Variants in ITIH5 observed in about 807,000 individuals in gnomAD.
The protein encoded by ITIH5 is inter-alpha-trypsin inhibitor heavy chain H5.
ITIH5 carries 65 observed loss-of-function variants against 77.5 expected under a neutral mutation model. The ratio of observed to expected loss-of-function variants is 0.84; its 90% CI spans 0.69 to 1.03. The LOEUF is 1.03. Among genes scored for constraint, ITIH5 ranks in the 50% least tolerant of loss-of-function variants. The probability of loss-of-function intolerance (pLI) is 0.00; values close to 1 mark genes in which losing one functional copy is unlikely to be tolerated. For synonymous variants in ITIH5, 525 were observed against 494.3 expected (o/e 1.06, Z -0.82); for missense variants, 1,208 against 1,213.1 (o/e 1.00, Z 0.06).
At chr10:7,653,029 A>G (rs901710760) in intron 2 of ITIH5, among the ~76,000 whole-genome samples, 1 of 152,224 alleles carries the variant, frequency 6.6e-6, no homozygotes, top group African/African-American at 2.4e-5. Flanking sequence ...ATAGGCAGGG[A>G]AATGCAAGTT....
intron 1 of ITIH5, among the ~76,000 whole-genome samples, chr10:7,661,778 G>A (rs368434005): frequency 1.3e-5 from 2 of 152,226 alleles, no homozygotes; most frequent in Middle Eastern, 3.4e-3. Flanking sequence ...ACAGCTCACT[G>A]CAGCCTTGAC....
intron 2 of ITIH5, among the ~76,000 whole-genome samples, chr10:7,644,532 TATATCACATATATATG>T (rs1389605253): frequency 2.2e-5 from 3 of 134,194 alleles, no homozygotes; most frequent in Non-Finnish European, 4.5e-5. Context: ...ATATATATGA[TATATCACATATATATG>T]ATATATCACA....
Position 7,637,335 on chromosome 10 carries a change from G to A in ITIH5, c.545C>T (p.Ser182Phe), listed in dbSNP as rs1833816721. ...HSISVRPQQL[S>F]GRLSVDVNIL... Reference sequence around the variant, plus strand: ...ATTCACGTCCACGCTCAGCCTCCCGGACAGCTGCTGGGGCCGCACGCTGAT... The same window carrying A: ...ATTCACGTCCACGCTCAGCCTCCCGAACAGCTGCTGGGGCCGCACGCTGAT... Residue 182 changes from serine to phenylalanine, a missense_variant, in exon 5 of 14, where the codon TCC becomes TTC. Transcript: ENST00000397146. 1 of 1,613,984 alleles carries A rather than the reference G, an allele frequency of 6.2e-7. No homozygotes were observed. The highest frequency in any genetic ancestry group is 1.3e-5 in the African/African-American group (1 of 74,932).
intron 10 of ITIH5, 99 bp from the exon 11 acceptor site, chr10:7,573,294 T>C: frequency 1.0e-6 from 1 of 953,870 alleles, no homozygotes; most frequent in Non-Finnish European, 1.7e-6. Flanking sequence ...ACACAGCTTT[T>C]AGGTACGTTT....
intron 7 of ITIH5, among the ~76,000 whole-genome samples, chr10:7,602,028 G>A (rs1026055090): frequency 3.9e-5 from 6 of 151,928 alleles, no homozygotes; most frequent in Admixed American, 1.3e-4. Flanking sequence ...AATTTTTTAC[G>A]TTTTTAGTAG....
intron 2 of ITIH5, among the ~76,000 whole-genome samples, chr10:7,648,898 G>A (rs1834047630): frequency 6.6e-6 from 1 of 152,142 alleles, no homozygotes. Context: ...ATGGGCCCAA[G>A]AGACAGGCTG....
In ITIH5 at chr10:7,624,462, G is replaced by A. The variant is rs984322342; in HGVS notation, c.653-7180C>T. 4.0e-5 allele frequency among the ~76,000 whole-genome samples: 6 copies of A among 151,450 alleles called. No homozygotes were observed. In the South Asian group the frequency reaches 1.3e-3, roughly 32 times the overall value. On this transcript the variant is annotated intron_variant, in intron 5 of 13. Coordinates refer to ENST00000397146, the MANE Select transcript of ITIH5 (RefSeq NM_030569.7). Reference sequence around the variant, plus strand: ...GCAGAGGTTGCAGTGAGCCAAGATCGTACCATTGCACTCCAGCCTGGGCAA... The same window carrying A: ...GCAGAGGTTGCAGTGAGCCAAGATCATACCATTGCACTCCAGCCTGGGCAA...
chr10:7,610,777 G>A lies in ITIH5; in HGVS notation c.939+5205C>T, dbSNP rs375017065. On this transcript the variant is annotated intron_variant, in intron 7 of 13. Transcript: ENST00000397146. Reference sequence around the variant, plus strand: ...AGATTTCAAAACCACTCAAGGCAGCGAGGGGCTTTCAAAATTGCTCAGACA... The same window carrying A: ...AGATTTCAAAACCACTCAAGGCAGCAAGGGGCTTTCAAAATTGCTCAGACA... 1.6e-4 allele frequency among the ~76,000 whole-genome samples: 25 copies of A among 152,320 alleles called. No individual in the cohort carries two copies. The East Asian group carries it at 2.9e-3, about 18-fold the overall frequency.
At chr10:7,648,336 A>G (rs924278392) in intron 2 of ITIH5, among the ~76,000 whole-genome samples, 1 of 152,208 alleles carries the variant, frequency 6.6e-6, no homozygotes, top group Admixed American at 6.5e-5. Context: ...TAGAACTCCA[A>G]AGGTATAGTA....
rs1444833820 is a variant in ITIH5, at chr10:7,632,291, C to T, written c.652+4937G>A. ...AGAGTGGATCAGCGGTTGCCTGGGG[C>T]TGGGGTAGCAACAGGATGTGACTGC... On this transcript the variant is annotated intron_variant, in intron 5 of 13. Transcript: ENST00000397146. 2.6e-5 allele frequency among the ~76,000 whole-genome samples: 4 copies of T among 152,122 alleles called. No individual in the cohort carries two copies. In the South Asian group the frequency reaches 6.2e-4, roughly 24 times the overall value.
chr10:7,616,968 C>G (rs899771919), intron 6 of ITIH5, 145 bp downstream of exon 6: 3 of 513,524 alleles, frequency 5.8e-6, no homozygotes, highest in Admixed American at 6.7e-5. Flanking sequence ...TACCGCTAGT[C>G]TCTTTGAAGA....
chr10:7,566,041 T>C lies in ITIH5; in HGVS notation c.2516A>G (p.His839Arg), dbSNP rs1174235467. Residue 839 changes from histidine (H) to arginine (R), a missense_variant, in exon 13 of 14, where the codon CAC (histidine) becomes CGC (arginine). Physicochemically the swap from His to Arg is conservative, Grantham distance 29. Transcript: ENST00000397146. ...GCGCAGCTTCCTACCCAGCAGTCCG[T>C]GGCAGTTGCTGGAAAGGCCCTCGCT... ...ANSEGLSSNCHGLLGQFLNQD... is the reference protein window; with the variant it reads ...ANSEGLSSNCRGLLGQFLNQD... 3 of 1,613,818 alleles carry C rather than the reference T, an allele frequency of 1.9e-6. No individual in the cohort carries two copies. The highest frequency in any genetic ancestry group is 1.7e-5 in the Admixed American group (1 of 60,018).
chr10:7,595,376 C>A (rs1428830059), intron 7 of ITIH5, among the ~76,000 whole-genome samples: 23 of 152,096 alleles, frequency 1.5e-4, no homozygotes. Context: ...CGAAGACATA[C>A]CTTGGCCTGG....
At chr10:7,657,568 G>A (rs567708175) in intron 1 of ITIH5, among the ~76,000 whole-genome samples, 2 of 152,228 alleles carry the variant, frequency 1.3e-5, no homozygotes, top group South Asian at 2.1e-4. Flanking sequence ...AATGTGGTTC[G>A]GTTAAGTAGA....
In ITIH5 at chr10:7,560,766, G is replaced by A. The variant is rs1294334600; in HGVS notation, c.*2317C>T. On this transcript the variant is annotated 3_prime_UTR_variant, in exon 14 of 14. Transcript: ENST00000397146. ...AATTACTCATTTTGGAACAACCCTC[G>A]CCCTGGTTTATAAATGCTCAAGGAA... 5 of 151,918 alleles carry A rather than the reference G, an allele frequency of 3.3e-5. No homozygotes were observed. The highest frequency in any genetic ancestry group is 6.6e-5 in the Admixed American group (1 of 15,264). 9.4% of individuals were successfully genotyped at this position (151,918 alleles called of 1,614,324 possible).
chr10:7,613,245 CAAAAA>C (rs58021308), intron 7 of ITIH5, among the ~76,000 whole-genome samples: 4 of 143,618 alleles, frequency 2.8e-5, no homozygotes, highest in African/African-American at 1.1e-4. Context: ...GACTTCGTCT[CAAAAA>C]AAAAAAAAAA....
intron 7 of ITIH5, among the ~76,000 whole-genome samples, chr10:7,592,799 G>A (rs560155102): frequency 4.6e-5 from 7 of 152,252 alleles, no homozygotes; most frequent in African/African-American, 7.2e-5. Flanking sequence ...CAGACCCTGC[G>A]CACTCACAGT....
At chr10:7,612,491 T>C (rs1250778976) in intron 7 of ITIH5, among the ~76,000 whole-genome samples, 2 of 152,152 alleles carry the variant, frequency 1.3e-5, no homozygotes, top group Non-Finnish European at 2.9e-5. Flanking sequence ...GAATATTTAA[T>C]GCCATAAGAT....
At chr10:7,649,226 T>C (rs1467593073) in intron 2 of ITIH5, among the ~76,000 whole-genome samples, 1 of 152,000 alleles carries the variant, frequency 6.6e-6, no homozygotes, top group East Asian at 1.9e-4. Context: ...CTTTCTTCTT[T>C]CTTCTTCCTT....
Sources: allele counts gnomAD v4.1 joint callset (sites outside exome capture counted in the v4.1 genomes callset), GRCh38; gene constraint gnomAD v4.1.1; transcripts MANE v1.5; gene names NCBI Gene and HGNC (gene_info 2026-07-23, HGNC 2026-07-21).